Variants in OSBP observed in about 807,000 individuals in gnomAD.
OSBP encodes the protein oxysterol binding protein.
In OSBP, 32 loss-of-function variants were observed where a neutral mutation model predicts 96.6. That is an observed-to-expected ratio of 0.33 (90% confidence interval 0.25 to 0.45). OSBP has a LOEUF of 0.45. OSBP is among the 20% of genes least tolerant of loss of function. The pLI is 1.00. For synonymous variants in OSBP, 369 were observed against 389.6 expected (o/e 0.95, Z 0.62); for missense variants, 653 against 1,029.7 (o/e 0.63, Z 5.01).
intron 9 of OSBP, among the ~76,000 whole-genome samples, chr11:59,592,328 T>C (rs990014160): frequency 3.9e-5 from 6 of 152,244 alleles, no homozygotes; most frequent in Non-Finnish European, 7.3e-5. Context: ...CCTTTACATA[T>C]GTTAGAAAAC....
At position 59,576,645 on chromosome 11, in the gene OSBP, T is replaced by C; in HGVS notation, c.2356A>G (p.Ile786Val). 10 of 1,614,142 alleles carry C rather than the reference T, an allele frequency of 6.2e-6. No individual in the cohort carries two copies. Among genetic ancestry groups the C allele is most frequent in the Non-Finnish European group, 8.5e-6 (10 of 1,180,022 alleles). ...KDPVTKELTH[I>V]YRGEYWECKE... The stretch of plus-strand genomic sequence containing the variant: ...CACTCCCAGTATTCTCCCCTATAAA[T>C]ATGGGTTAACTCCTTGGTAACAGGG... The change falls in exon 14 of 14, where the codon ATT (isoleucine) becomes GTT (valine). Residue 786 changes from isoleucine (I) to valine (V), a missense_variant. This residue lies in a region of OSBP where 169 missense variants were observed against 251.5 expected (regional missense o/e 0.67). Transcript: ENST00000263847.
chr11:59,596,800 A>G (rs1258698797), intron 7 of OSBP, among the ~76,000 whole-genome samples: 12 of 152,322 alleles, frequency 7.9e-5, no homozygotes, highest in Admixed American at 7.2e-4. Context: ...TCAAGAGGGC[A>G]TAGAGGGAGA....
intron 7 of OSBP, 91 bp from the exon 8 acceptor site, chr11:59,594,346 G>A: frequency 2.4e-6 from 3 of 1,270,706 alleles, no homozygotes; most frequent in Non-Finnish European, 3.3e-6. Context: ...TAAATCACTG[G>A]GAAAAGAGGG....
At chr11:59,596,776 C>T (rs1034457623) in intron 7 of OSBP, among the ~76,000 whole-genome samples, 1 of 152,152 alleles carries the variant, frequency 6.6e-6, no homozygotes, top group Non-Finnish European at 1.5e-5. Context: ...CACGTAGGTG[C>T]GCCAGAGCAC....
At chr11:59,598,704 A>C (rs1278361268) in intron 7 of OSBP, among the ~76,000 whole-genome samples, 1 of 152,072 alleles carries the variant, frequency 6.6e-6, no homozygotes, top group African/African-American at 2.4e-5. Context: ...ATTCTCCTGC[A>C]TCACCCTCCC....
rs1187210916 is a variant in OSBP at position 59,585,488 on chromosome 11, G to A, written c.1679-3934C>T. ...AGCCCCTCCGCCCGGCAGCCACCCC[G>A]TCTGGGAAGTGAGGAGCCTCTCCGC... On this transcript the variant is annotated intron_variant, in intron 9 of 13. Coordinates refer to ENST00000263847, the MANE Select transcript of OSBP (RefSeq NM_002556.3). 4.8e-4 allele frequency among the ~76,000 whole-genome samples: 73 copies of A among 151,594 alleles called. 2 individuals carry two copies. The highest frequency in any genetic ancestry group is 2.0e-4 in the East Asian group (1 of 5,096).
Position 59,580,288 on chromosome 11 carries a change from C to G in OSBP, c.1783-19G>C. On this transcript the variant is annotated intron_variant, in intron 10 of 13. Transcript: ENST00000263847. ...CGCCAGACTGTAAAATGAAAAAATT[C>G]AGTTTTATTAAGACTGGATAAATTC... The G allele has an allele frequency of 2.0e-6, 3 of 1,520,948 alleles. No homozygotes were observed. Among genetic ancestry groups the G allele is most frequent in the Non-Finnish European group, 2.7e-6 (3 of 1,096,236 alleles). 94.2% of individuals were successfully genotyped at this position (1,520,948 alleles called of 1,614,324 possible). A position where few individuals can be genotyped will look rare whatever the true frequency, so the allele number is the denominator to read the frequency against.
intron 1 of OSBP, among the ~76,000 whole-genome samples, chr11:59,612,135 T>C (rs1860857373): frequency 6.6e-6 from 1 of 152,130 alleles, no homozygotes; most frequent in African/African-American, 2.4e-5. Context: ...CCCATAAGAT[T>C]TGGTATGTTT....
In OSBP at chr11:59,600,011, C is replaced by T. The variant is rs56240202; in HGVS notation, c.1311+485G>A. 7.2e-3 allele frequency among the ~76,000 whole-genome samples: 1,092 copies of T among 152,272 alleles called. 12 individuals are homozygous for T. The highest frequency in any genetic ancestry group is 0.025 in the African/African-American group (1,023 of 41,538). ...GTAGACAGACTGGAGGAAGACATGA[C>T]GGGGCAGAGAGGTCAGCCCAAACAC... On this transcript the variant is annotated intron_variant, in intron 7 of 13. Transcript: ENST00000263847.
At chr11:59,599,222 A>G (rs1193618749) in intron 7 of OSBP, among the ~76,000 whole-genome samples, 38 of 152,242 alleles carry the variant, frequency 2.5e-4, no homozygotes. Context: ...CACTGCTGTT[A>G]TAGGATGAAA....
intron 2 of OSBP, among the ~76,000 whole-genome samples, chr11:59,609,710 A>T (rs375668485): frequency 1.3e-5 from 2 of 152,152 alleles, no homozygotes; most frequent in Admixed American, 6.5e-5. Flanking sequence ...TTAAACTATC[A>T]ATATATCAGG....
At chr11:59,583,051 C>T (rs995415219) in intron 9 of OSBP, among the ~76,000 whole-genome samples, 2 of 152,108 alleles carry the variant, frequency 1.3e-5, no homozygotes, top group Non-Finnish European at 2.9e-5. Context: ...TGGCTCACCC[C>T]TATAATCCCA....
intron 7 of OSBP, among the ~76,000 whole-genome samples, chr11:59,597,202 A>C (rs972130756): frequency 2.6e-5 from 4 of 151,720 alleles, no homozygotes; most frequent in Non-Finnish European, 5.9e-5. Context: ...AGGATTACAG[A>C]CGCGCGCCAA....
At chr11:59,584,451 T>A (rs934112757) in intron 9 of OSBP, among the ~76,000 whole-genome samples, 1 of 152,104 alleles carries the variant, frequency 6.6e-6, no homozygotes, top group African/African-American at 2.4e-5. Flanking sequence ...CATGACCAGG[T>A]GGGATTTATT....
Position 59,615,626 on chromosome 11 carries a change from G to T in OSBP, c.39C>A (p.Gly13=). ...ATELRGVVGP[G]PAAIAALGGG... ...CGCCAAGTGCTGCAATGGCTGCCGGGCCTGGCCCCACCACTCCTCTCAGCT... is the reference window on the plus strand; with the variant it reads ...CGCCAAGTGCTGCAATGGCTGCCGGTCCTGGCCCCACCACTCCTCTCAGCT... Residue 13 remains glycine (G), a synonymous_variant, in exon 1 of 14, where the codon GGC becomes GGA. Coordinates refer to ENST00000263847, the MANE Select transcript of OSBP (RefSeq NM_002556.3). The T allele has an allele frequency of 7.2e-7, 1 of 1,383,860 alleles. No homozygotes were observed. Among genetic ancestry groups the T allele is most frequent in the Non-Finnish European group, 9.4e-7 (1 of 1,067,384 alleles). 85.7% of individuals were successfully genotyped at this position (1,383,860 alleles called of 1,614,324 possible). A position where few individuals can be genotyped will look rare whatever the true frequency, so the allele number is the denominator to read the frequency against.
intron 3 of OSBP, among the ~76,000 whole-genome samples, chr11:59,602,716 G>A (rs1860737844): frequency 6.6e-6 from 1 of 152,116 alleles, no homozygotes; most frequent in Non-Finnish European, 1.5e-5. Flanking sequence ...ACCTCGTCGG[G>A]CTCAGGTGAT....
At chr11:59,610,743 G>C (rs1025568553) in intron 1 of OSBP, among the ~76,000 whole-genome samples, 154 bp from the exon 2 acceptor site, 1 of 151,348 alleles carries the variant, frequency 6.6e-6, no homozygotes, top group Non-Finnish European at 1.5e-5. Flanking sequence ...TAAAATTCAC[G>C]AAACAATTAG....
At chr11:59,583,906 G>A (rs112770309) in intron 9 of OSBP, among the ~76,000 whole-genome samples, 3,975 of 149,186 alleles carry the variant, frequency 0.027, 178 homozygotes, top group African/African-American at 0.092. Flanking sequence ...CCAAAGAGCT[G>A]GGATTACAGG....
chr11:59,601,418 G>T, intron 4 of OSBP, 33 bp from the exon 5 acceptor site: 1 of 1,492,236 alleles, frequency 6.7e-7, no homozygotes, highest in Non-Finnish European at 9.3e-7. Context: ...TGTTGACTTT[G>T]GTTATCTTTA....
Sources: gnomAD v4.1 joint callset for allele counts (sites outside exome capture counted in the v4.1 genomes callset) on GRCh38, gnomAD v4.1.1 for gene constraint, gnomAD v4.1.1 regional missense constraint, MANE v1.5 for transcripts, NCBI Gene and HGNC (gene_info 2026-07-23, HGNC 2026-07-21) for gene names.